Variants in MDGA2 observed in about 807,000 individuals in gnomAD.
MDGA2 encodes the protein MAM domain containing glycosylphosphatidylinositol anchor 2.
A neutral mutation model predicts 117.8 loss-of-function variants in MDGA2; 40 were observed. That is an observed-to-expected ratio of 0.34 (90% CI 0.26 to 0.44). The LOEUF is 0.44. Among genes scored for constraint, MDGA2 ranks in the 20% least tolerant of loss-of-function variants. The pLI, the probability that MDGA2 is intolerant of heterozygous loss-of-function variation, is 1.00. For missense variants in MDGA2, 1,123 were observed against 1,250.6 expected (o/e 0.90, Z 1.54); for synonymous variants, 452 against 439.0 (o/e 1.03, Z -0.37).
intron 10 of MDGA2, among the ~76,000 whole-genome samples, chr14:46,914,555 C>T (rs1015473107): frequency 1.3e-5 from 2 of 151,934 alleles, no homozygotes; most frequent in Admixed American, 1.3e-4. Flanking sequence ...TACAGTTTAA[C>T]CAAAAGGGAA....
chr14:47,127,937 T>C (rs546741804), intron 5 of MDGA2, among the ~76,000 whole-genome samples: 2 of 152,234 alleles, frequency 1.3e-5, no homozygotes, highest in South Asian at 2.1e-4. Flanking sequence ...CAAAACACTC[T>C]GGCTGAGATT....
intron 7 of MDGA2, chr14:47,058,744 T>C: frequency 2.0e-6 from 2 of 985,408 alleles, no homozygotes; most frequent in Non-Finnish European, 2.4e-6. Flanking sequence ...AGTTTTGGCT[T>C]GAAGACAGAA....
intron 1 of MDGA2, among the ~76,000 whole-genome samples, chr14:47,391,335 T>C (rs753265442): frequency 6.6e-6 from 1 of 152,196 alleles, no homozygotes; most frequent in Non-Finnish European, 1.5e-5. Context: ...TTTCTCATTA[T>C]AAATAGGGTG....
rs115403378 is a variant in MDGA2 at position 47,208,909 on chromosome 14, C to T, written c.595+9112G>A. Among the ~76,000 whole-genome samples the T allele has an allele frequency of 3.2e-3, 490 of 151,350 alleles. 4 individuals carry two copies. The highest frequency in any genetic ancestry group is 0.012 in the African/African-American group (478 of 41,438). ...AAAAGTATAAACACAGGCACACATT[C>T]GAATAGCCTTCTATCTTTATGAAAA... On this transcript the variant is annotated intron_variant, in intron 3 of 16. Coordinates refer to ENST00000399232, the MANE Select transcript of MDGA2 (RefSeq NM_001113498.3).
intron 5 of MDGA2, among the ~76,000 whole-genome samples, chr14:47,103,067 G>A (rs1171494593): frequency 6.6e-6 from 1 of 152,028 alleles, no homozygotes; most frequent in Non-Finnish European, 1.5e-5. Flanking sequence ...AATAATGAGA[G>A]CACAGTATGA....
Position 47,236,290 on chromosome 14 carries a change from C to CAAAA in MDGA2, c.421-18099_421-18096dup, listed in dbSNP as rs5808383. 5.3e-3 allele frequency among the ~76,000 whole-genome samples: 356 copies of CAAAA among 67,158 alleles called. 3 individuals are homozygous for CAAAA. The highest frequency in any genetic ancestry group is 0.014 in the African/African-American group (225 of 16,622). The allele number at this position is 67,158 out of a possible 152,430, so 44.1% of individuals were successfully genotyped here. A position where few individuals can be genotyped will look rare whatever the true frequency, so the allele number is the denominator to read the frequency against. On this transcript the variant is annotated intron_variant, in intron 2 of 16. Transcript: ENST00000399232. ...TGGGTGACAGAGCGAGACTCCGCCTCAAAAAAAAAAAAAAAAAAAAAAACA... is the reference window on the plus strand; with the variant it reads ...TGGGTGACAGAGCGAGACTCCGCCTCAAAAAAAAAAAAAAAAAAAAAAAAAAACA...
At chr14:46,873,918 C>T in intron 13 of MDGA2, 127 bp downstream of exon 13, 1 of 831,156 alleles carries the variant, frequency 1.2e-6, no homozygotes, top group South Asian at 2.9e-5. Context: ...TAAATTGATA[C>T]TGTACAGAAA....
chr14:46,864,628 T>A (rs1375826637), intron 14 of MDGA2, among the ~76,000 whole-genome samples: 2 of 141,676 alleles, frequency 1.4e-5, no homozygotes, highest in Non-Finnish European at 3.1e-5. Flanking sequence ...AAAAAGCAGT[T>A]TACTGAATGA....
intron 1 of MDGA2, among the ~76,000 whole-genome samples, chr14:47,548,695 C>T (rs1895513879): frequency 6.6e-6 from 1 of 152,122 alleles, no homozygotes; most frequent in Admixed American, 6.6e-5. Flanking sequence ...CGAGATCAGT[C>T]AAGGGTGAGA....
intron 1 of MDGA2, among the ~76,000 whole-genome samples, chr14:47,544,937 A>T (rs558899997): frequency 1.3e-5 from 2 of 152,230 alleles, no homozygotes; most frequent in African/African-American, 4.8e-5. Context: ...TCTAAATTTA[A>T]TCTAATTTAC....
At chr14:47,631,922 T>A (rs950040251) in intron 1 of MDGA2, among the ~76,000 whole-genome samples, 10 of 142,276 alleles carry the variant, frequency 7.0e-5, no homozygotes, top group Admixed American at 6.4e-4. Context: ...ATTACGAGAT[T>A]TTTTTAAGTT....
At chr14:47,024,773 AAGG>A (rs779839436) in intron 8 of MDGA2, among the ~76,000 whole-genome samples, 98 of 152,304 alleles carry the variant, frequency 6.4e-4, no homozygotes, top group Admixed American at 1.1e-3. Context: ...GTATATAATC[AAGG>A]AGATTTTATT....
chr14:46,872,569 T>A (rs2138361335), intron 14 of MDGA2, among the ~76,000 whole-genome samples: 1 of 152,058 alleles, frequency 6.6e-6, no homozygotes. Context: ...TCATGTGATA[T>A]CTTCTGGAAT....
At chr14:47,281,796 C>A (rs891983296) in intron 2 of MDGA2, among the ~76,000 whole-genome samples, 1 of 152,060 alleles carries the variant, frequency 6.6e-6, no homozygotes, top group Non-Finnish European at 1.5e-5. Context: ...GTGACTCATG[C>A]CTGTAATCCC....
chr14:47,304,846 G>A (rs951394903), intron 1 of MDGA2, among the ~76,000 whole-genome samples: 1 of 152,080 alleles, frequency 6.6e-6, no homozygotes, highest in African/African-American at 2.4e-5. Context: ...GATTTTAAGT[G>A]TCTTTGCTTA....
intron 8 of MDGA2, among the ~76,000 whole-genome samples, chr14:46,991,277 T>C (rs918775917): frequency 6.6e-6 from 1 of 152,130 alleles, no homozygotes; most frequent in African/African-American, 2.4e-5. Context: ...ATTTAAATCT[T>C]TTATAGAATG....
chr14:47,303,410 G>A (rs1299395497), intron 1 of MDGA2, among the ~76,000 whole-genome samples: 1 of 152,020 alleles, frequency 6.6e-6, no homozygotes, highest in Non-Finnish European at 1.5e-5. Context: ...TCATGTCTCT[G>A]GACTCTGTCT....
chr14:46,874,101 T>C lies in MDGA2; in HGVS notation c.2537A>G (p.Asn846Ser). 6.4e-7 allele frequency: 1 copy of C among 1,561,642 alleles called. No individual in the cohort carries two copies. Among genetic ancestry groups the C allele is most frequent in the Non-Finnish European group, 8.7e-7 (1 of 1,155,718 alleles). The change falls in exon 13 of 17, where the codon AAT (asparagine) becomes AGT (serine). Residue 846 changes from asparagine (N) to serine (S), a missense_variant. Around this residue, in one of 2 missense-constraint regions of MDGA2, gnomAD observed 890 missense variants for 1,050.3 expected, o/e 0.85. Transcript: ENST00000399232. ...TCCTGTATTAGGAGTATATTTTGTA[T>C]TTCTTGTTGCTGTACTTTGCTTTGT... ...DWTKQSTATR[N>S]TKYTPNTGPN...
At chr14:47,603,222 T>A (rs1397169196) in intron 1 of MDGA2, among the ~76,000 whole-genome samples, 2 of 152,172 alleles carry the variant, frequency 1.3e-5, no homozygotes, top group African/African-American at 4.8e-5. Flanking sequence ...AATAAAGGAA[T>A]CCTAATTTTT....
Sources: gnomAD v4.1 joint callset for allele counts (sites outside exome capture counted in the v4.1 genomes callset) on GRCh38, gnomAD v4.1.1 for gene constraint, gnomAD v4.1.1 regional missense constraint, MANE v1.5 for transcripts, NCBI Gene and HGNC (gene_info 2026-07-23, HGNC 2026-07-21) for gene names.